Variants in SDK1 observed in about 807,000 individuals in gnomAD.
SDK1 encodes protein sidekick-1.
SDK1 carries 157 observed loss-of-function variants against 245.5 expected under a neutral mutation model. The observed-to-expected ratio is 0.64, with a 90% CI of 0.56 to 0.73. SDK1 has a LOEUF of 0.73. SDK1 is among the 30% of genes least tolerant of loss of function. SDK1 has a pLI of 0.00. For synonymous variants in SDK1, 1,647 were observed against 1,278.5 expected, an observed-to-expected ratio of 1.29 and a Z score of -6.15; for missense variants, 3,583 against 3,002.3, an observed-to-expected ratio of 1.19 and a Z score of -4.52.
intron 2 of SDK1, among the ~76,000 whole-genome samples, chr7:3,620,002 G>C (rs62437886): frequency 0.016 from 2,508 of 152,286 alleles, 33 homozygotes; most frequent in Non-Finnish European, 0.027. Flanking sequence ...GCAGGATGGA[G>C]AACTAGCATG....
rs1338465819 is a variant in SDK1 at position 3,504,180 on chromosome 7, A to ATGTGTGTGTGTGTGTGTGTGTG, written c.299-114899_299-114898insGTGTGTGTGTGTGTGTGTGTGT. ...AAAACCAAAAAAATTATATATATAT[A>ATGTGTGTGTGTGTGTGTGTGTG]TATGTGTGTGTGTGTGTGTGTGTGT... On this transcript the variant is annotated intron_variant, in intron 1 of 44. Transcript: ENST00000404826. 4.6e-3 allele frequency among the ~76,000 whole-genome samples: 412 copies of ATGTGTGTGTGTGTGTGTGTGTG among 89,414 alleles called. 2 individuals are homozygous for ATGTGTGTGTGTGTGTGTGTGTG. Among genetic ancestry groups the ATGTGTGTGTGTGTGTGTGTGTG allele is most frequent in the Middle Eastern group, 0.011 (2 of 174 alleles). The allele number at this position is 89,414 out of a possible 152,430, so 58.7% of individuals were successfully genotyped here. A position where few individuals can be genotyped will look rare whatever the true frequency, so the allele number is the denominator to read the frequency against.
At chr7:3,576,091 AG>A (rs1280212699) in intron 1 of SDK1, among the ~76,000 whole-genome samples, 1 of 152,134 alleles carries the variant, frequency 6.6e-6, no homozygotes, top group Admixed American at 6.5e-5. Context: ...TTTCAGATCC[AG>A]TTTCAAATTG....
intron 1 of SDK1, among the ~76,000 whole-genome samples, chr7:3,306,659 G>A (rs758819556): frequency 2.0e-5 from 3 of 152,190 alleles, no homozygotes; most frequent in Non-Finnish European, 4.4e-5. Flanking sequence ...AGTTAAGTGG[G>A]TAATTAAGTG....
intron 13 of SDK1, among the ~76,000 whole-genome samples, chr7:3,975,873 G>A (rs73038434): frequency 0.047 from 7,181 of 151,914 alleles, 238 homozygotes; most frequent in Middle Eastern, 0.12. Context: ...CAGTGGTGCG[G>A]GGGTCCTGGT....
rs1783541972 is a variant in SDK1 at position 3,666,605 on chromosome 7, C to T, written c.713+24500C>T. On this transcript the variant is annotated intron_variant, in intron 4 of 44. Coordinates refer to ENST00000404826, the MANE Select transcript of SDK1 (RefSeq NM_152744.4). ...GCCTTGCTTCTCTGTATATCATAAG[C>T]TCCTGAGGACAGACACTCTGTATCT... Among the ~76,000 whole-genome samples the T allele has an allele frequency of 4.6e-5, 7 of 152,294 alleles. 1 individual carries two copies. The South Asian group carries it at 1.5e-3, about 32-fold the overall frequency.
chr7:3,415,220 A>G (rs1374563568), intron 1 of SDK1, among the ~76,000 whole-genome samples: 2 of 152,218 alleles, frequency 1.3e-5, no homozygotes, highest in Non-Finnish European at 2.9e-5. Flanking sequence ...TAGAGGAAAA[A>G]GTGCATATGT....
chr7:3,820,728 A>C (rs1013582598), intron 4 of SDK1, among the ~76,000 whole-genome samples: 9 of 152,218 alleles, frequency 5.9e-5, no homozygotes, highest in African/African-American at 2.2e-4. Flanking sequence ...AAGCAACTTA[A>C]CTTCTGTGAG....
chr7:3,766,675 C>G (rs1184421386), intron 4 of SDK1, among the ~76,000 whole-genome samples: 2 of 152,086 alleles, frequency 1.3e-5, no homozygotes, highest in African/African-American at 4.8e-5. Flanking sequence ...GCTATTATGA[C>G]TTCAGAAATA....
At chr7:4,159,580 G>A (rs1443618541) in intron 31 of SDK1, among the ~76,000 whole-genome samples, 1 of 152,172 alleles carries the variant, frequency 6.6e-6, no homozygotes, top group Non-Finnish European at 1.5e-5. Context: ...GAGTTTATTG[G>A]AGCTTTGGGG....
intron 13 of SDK1, among the ~76,000 whole-genome samples, chr7:3,986,484 G>T (rs1783836270): frequency 1.3e-5 from 2 of 152,210 alleles, no homozygotes; most frequent in Admixed American, 1.3e-4. Context: ...CATGTATCGG[G>T]ACTTTTCCTG....
chr7:3,694,758 G>A (rs532525644), intron 4 of SDK1, among the ~76,000 whole-genome samples: 110 of 152,176 alleles, frequency 7.2e-4, no homozygotes, highest in African/African-American at 2.6e-3. Flanking sequence ...AGGAACCTAC[G>A]TTTTTACAAA....
chr7:3,669,403 T>C (rs573132849), intron 4 of SDK1, among the ~76,000 whole-genome samples: 3 of 152,282 alleles, frequency 2.0e-5, no homozygotes, highest in Admixed American at 2.0e-4. Context: ...CTCTTGAAGA[T>C]CTACTTCTGC....
Position 3,584,579 on chromosome 7 carries a change from C to T in SDK1, c.299-34501C>T, listed in dbSNP as rs575199926. Among the ~76,000 whole-genome samples the T allele has an allele frequency of 3.3e-5, 5 of 152,294 alleles. No homozygotes were observed. In the East Asian group the frequency reaches 9.7e-4, roughly 29 times the overall value. ...GATCCTGGCCAGGTGCTTTCCCATT[C>T]TTTGTTGTTCCACGGACTGCTCCAA... On this transcript the variant is annotated intron_variant, in intron 1 of 44. Coordinates refer to ENST00000404826, the MANE Select transcript of SDK1 (RefSeq NM_152744.4).
At chr7:3,325,483 G>T (rs987283618) in intron 1 of SDK1, among the ~76,000 whole-genome samples, 1 of 152,026 alleles carries the variant, frequency 6.6e-6, no homozygotes, top group South Asian at 2.1e-4. Context: ...TTTAAGCGTG[G>T]CACTTAAGAT....
intron 15 of SDK1, 79 bp downstream of exon 15, chr7:4,011,192 T>C: frequency 1.3e-6 from 2 of 1,528,868 alleles, no homozygotes; most frequent in Non-Finnish European, 1.8e-6. Context: ...CATTATGTGG[T>C]GGAATTGATC....
chr7:3,620,613 C>A lies in SDK1; in HGVS notation c.458+1374C>A, dbSNP rs530002082. Among the ~76,000 whole-genome samples the A allele has an allele frequency of 4.6e-5, 7 of 152,112 alleles. No homozygotes were observed. The East Asian group carries it at 1.4e-3, about 30-fold the overall frequency. ...CCACAGCATATTTTTTTATTAGCTG[C>A]CAACATTTGACAGTTCTAAGATTTT... On this transcript the variant is annotated intron_variant, in intron 2 of 44. Coordinates refer to ENST00000404826, the MANE Select transcript of SDK1 (RefSeq NM_152744.4).
At chr7:4,258,422 GTAGC>G (rs1269496066) in intron 44 of SDK1, among the ~76,000 whole-genome samples, 1 of 152,160 alleles carries the variant, frequency 6.6e-6, no homozygotes, top group East Asian at 1.9e-4. Flanking sequence ...AACTGAATTC[GTAGC>G]ATGCCCTCCC....
intron 5 of SDK1, among the ~76,000 whole-genome samples, chr7:3,834,724 GT>G (rs1156527767): frequency 3.3e-5 from 5 of 152,302 alleles, no homozygotes; most frequent in African/African-American, 1.2e-4. Context: ...CCACTAGAAC[GT>G]AAGTTCCGCG....
At chr7:3,352,615 T>G (rs12700816) in intron 1 of SDK1, among the ~76,000 whole-genome samples, 1 of 152,064 alleles carries the variant, frequency 6.6e-6, no homozygotes, top group Admixed American at 6.6e-5. Flanking sequence ...TATTTCTGTT[T>G]CCATGTTGAA....
Sources: gnomAD v4.1 joint callset for allele counts (sites outside exome capture counted in the v4.1 genomes callset) on GRCh38, gnomAD v4.1.1 for gene constraint, MANE v1.5 for transcripts, NCBI Gene and HGNC (gene_info 2026-07-23, HGNC 2026-07-21) for gene names.